The following DCDC1 variants were observed in gnomAD, a reference collection of about 807,000 sequenced individuals.
DCDC1 encodes the protein doublecortin domain containing 1.
DCDC1 carries 200 observed loss-of-function variants against 178.3 expected under a neutral mutation model. The ratio of observed to expected loss-of-function variants is 1.12; its 90% CI spans 1.00 to 1.26. DCDC1 has a LOEUF of 1.26. DCDC1 is among the 50% of genes most tolerant of loss of function. The probability of loss-of-function intolerance (pLI) is 0.00; values close to 1 mark genes in which losing one functional copy is unlikely to be tolerated. For missense variants in DCDC1, 1,983 were observed against 1,749.2 expected (o/e 1.13, Z -2.38); for synonymous variants, 690 against 604.8 (o/e 1.14, Z -2.07).
chr11:31,358,412 C>T lies in DCDC1; in HGVS notation c.-125+11285G>A, dbSNP rs11031365. Among the ~76,000 whole-genome samples, 6 of 152,112 alleles carry T rather than the reference C, an allele frequency of 3.9e-5. No homozygotes were observed. In the East Asian group the frequency reaches 9.7e-4, roughly 24 times the overall value. ...GTAGAAAGCTGAAACTGGACCCCTTCCTTACACCTTATACAAAAATCAATT... is the reference window on the plus strand; with the variant it reads ...GTAGAAAGCTGAAACTGGACCCCTTTCTTACACCTTATACAAAAATCAATT... On this transcript the variant is annotated intron_variant, in intron 1 of 38. Coordinates refer to ENST00000684477, the MANE Select transcript of DCDC1 (RefSeq NM_001387274.1).
chr11:31,358,043 C>T (rs1951483206), intron 1 of DCDC1, among the ~76,000 whole-genome samples: 1 of 151,864 alleles, frequency 6.6e-6, no homozygotes, highest in Admixed American at 6.6e-5. Context: ...ATGCCATCCC[C>T]ATCAAGCTAC....
At position 31,126,362 on chromosome 11, in the gene DCDC1, A is replaced by C. The variant is rs541202458; in HGVS notation, c.1485+1107T>G. On this transcript the variant is annotated intron_variant, in intron 11 of 38. Transcript: ENST00000684477. ...AACCCTTGACCTTGATGTCTTGAACATCACTTCCTAAACCCTTAGCTGACT... is the reference window on the plus strand; with the variant it reads ...AACCCTTGACCTTGATGTCTTGAACCTCACTTCCTAAACCCTTAGCTGACT... Among the ~76,000 whole-genome samples the C allele has an allele frequency of 5.9e-5, 9 of 152,312 alleles. No individual in the cohort carries two copies. In the South Asian group the frequency reaches 1.9e-3, roughly 32 times the overall value.
At position 31,077,881 on chromosome 11, in the gene DCDC1, C is replaced by A. The variant is rs376600706; in HGVS notation, c.2282G>T (p.Gly761Val). Reference sequence around the variant, plus strand: ...AGTCCTTACCTTTGAATAAATGCAACCATCAGTTCCAAACACCCACTTCTG... The same window carrying A: ...AGTCCTTACCTTTGAATAAATGCAAACATCAGTTCCAAACACCCACTTCTG... ...DSQKWVFGTD[G>V]CIYSKAYPQF... The change falls in exon 18 of 39, where the codon GGT becomes GTT. Residue 761 changes from glycine (G) to valine (V), a missense_variant. Physicochemically the swap from Gly to Val is moderately radical, Grantham distance 109 (BLOSUM62 -3). Coordinates refer to ENST00000684477, the MANE Select transcript of DCDC1 (RefSeq NM_001387274.1). 6.0e-5 allele frequency: 46 copies of A among 766,184 alleles called. No homozygotes were observed. The highest frequency in any genetic ancestry group is 9.6e-5 in the Non-Finnish European group (40 of 417,766). The allele number at this position is 766,184 out of a possible 1,614,324, so 47.5% of individuals were successfully genotyped here. A position where few individuals can be genotyped will look rare whatever the true frequency, so the allele number is the denominator to read the frequency against.
chr11:31,367,188 A>G (rs1268798256), intron 1 of DCDC1, among the ~76,000 whole-genome samples: 1 of 152,186 alleles, frequency 6.6e-6, no homozygotes, highest in Non-Finnish European at 1.5e-5. Context: ...GGTCCCAACT[A>G]CTTGGGAATC....
intron 20 of DCDC1, among the ~76,000 whole-genome samples, chr11:30,971,702 C>T (rs970984418): frequency 6.6e-5 from 10 of 150,916 alleles, no homozygotes; most frequent in East Asian, 2.0e-4. Flanking sequence ...CTCTGCCTCC[C>T]GGGTTCACAC....
At chr11:30,994,872 G>T (rs977821938) in intron 20 of DCDC1, among the ~76,000 whole-genome samples, 43 of 149,980 alleles carry the variant, frequency 2.9e-4, no homozygotes, top group African/African-American at 1.0e-3. Context: ...GTAAGACAAA[G>T]ATTTCATTTC....
intron 20 of DCDC1, among the ~76,000 whole-genome samples, chr11:30,985,561 A>C (rs1010051453): frequency 6.6e-6 from 1 of 152,212 alleles, no homozygotes; most frequent in East Asian, 1.9e-4. Flanking sequence ...ACATCTGAGT[A>C]AAAATATGAC....
chr11:31,201,803 A>G (rs931441054), intron 9 of DCDC1, among the ~76,000 whole-genome samples: 14 of 152,218 alleles, frequency 9.2e-5, no homozygotes, highest in African/African-American at 2.9e-4. Context: ...GGGTAAAAAT[A>G]AGACAGTTGG....
intron 21 of DCDC1, among the ~76,000 whole-genome samples, chr11:30,933,137 C>G (rs1317104608): frequency 1.3e-5 from 2 of 151,980 alleles, no homozygotes; most frequent in Non-Finnish European, 2.9e-5. Flanking sequence ...TCTTTCCCTT[C>G]ATAGTAATGT....
chr11:31,266,684 T>C (rs999087456), intron 7 of DCDC1, among the ~76,000 whole-genome samples: 85 of 152,202 alleles, frequency 5.6e-4, no homozygotes, highest in African/African-American at 1.9e-3. Flanking sequence ...ATCTTTCAGT[T>C]GCCGATACTA....
chr11:30,942,259 G>A (rs1045626946), intron 21 of DCDC1, among the ~76,000 whole-genome samples: 2 of 152,142 alleles, frequency 1.3e-5, no homozygotes, highest in African/African-American at 4.8e-5. Flanking sequence ...GGGAAGTAGT[G>A]GGATGGAGTC....
chr11:31,020,819 T>C (rs532167029), intron 20 of DCDC1, among the ~76,000 whole-genome samples: 5 of 152,256 alleles, frequency 3.3e-5, no homozygotes, highest in African/African-American at 7.2e-5. Context: ...TTATTCACTA[T>C]AAGTAAACTC....
At chr11:31,265,926 C>G (rs574836587) in intron 7 of DCDC1, among the ~76,000 whole-genome samples, 1 of 148,782 alleles carries the variant, frequency 6.7e-6, no homozygotes, top group Non-Finnish European at 1.5e-5. Flanking sequence ...TATTAAATAT[C>G]TATTATTTAA....
intron 20 of DCDC1, among the ~76,000 whole-genome samples, chr11:31,003,248 C>G (rs1341344047): frequency 6.6e-6 from 1 of 152,070 alleles, no homozygotes; most frequent in Non-Finnish European, 1.5e-5. Context: ...CCACGAAGCA[C>G]TTTAGTAGAT....
At chr11:31,209,182 C>T (rs140072582) in intron 9 of DCDC1, among the ~76,000 whole-genome samples, 12 of 152,216 alleles carry the variant, frequency 7.9e-5, no homozygotes, top group African/African-American at 1.7e-4. Context: ...AATTTGCAGT[C>T]ACTGACACAG....
intron 9 of DCDC1, among the ~76,000 whole-genome samples, chr11:31,176,780 A>C (rs1565388562): frequency 6.6e-6 from 1 of 152,172 alleles, no homozygotes; most frequent in East Asian, 1.9e-4. Flanking sequence ...AATACTCAGC[A>C]AAGAATACTA....
chr11:30,874,227 C>A (rs191426846), intron 38 of DCDC1, among the ~76,000 whole-genome samples: 1 of 152,152 alleles, frequency 6.6e-6, no homozygotes, highest in African/African-American at 2.4e-5. Flanking sequence ...ACTGTGGTCA[C>A]GACGTGCTTC....
chr11:31,361,911 A>C (rs895037665), intron 1 of DCDC1, among the ~76,000 whole-genome samples: 5 of 152,342 alleles, frequency 3.3e-5, no homozygotes, highest in East Asian at 1.9e-4. Flanking sequence ...TCTTAGCTAC[A>C]TCTACCTGAG....
chr11:31,028,194 C>G (rs1462343587), intron 20 of DCDC1, among the ~76,000 whole-genome samples: 1 of 151,766 alleles, frequency 6.6e-6, no homozygotes. Context: ...TTCCTAAAAG[C>G]ATCTCAAAAT....
Sources: gnomAD v4.1 joint callset for allele counts (sites outside exome capture counted in the v4.1 genomes callset) on GRCh38, gnomAD v4.1.1 for gene constraint, MANE v1.5 for transcripts, NCBI Gene and HGNC (gene_info 2026-07-23, HGNC 2026-07-21) for gene names.